The following GMDS variants were observed in gnomAD, a reference collection of about 807,000 sequenced individuals.
GMDS encodes the protein GDP-mannose 4,6 dehydratase.
GMDS carries 20 observed loss-of-function variants against 49.9 expected under a neutral mutation model. That is an observed-to-expected ratio of 0.40 (90% CI 0.28 to 0.58). The LOEUF (loss-of-function observed/expected upper bound fraction) is 0.58. GMDS is among the 20% of genes least tolerant of loss of function. The pLI is 0.42. For missense variants in GMDS, 362 were observed against 481.4 expected (o/e 0.75, Z 2.32); for synonymous variants, 177 against 178.6 (o/e 0.99, Z 0.07).
chr6:1,699,458 T>C (rs993452183), intron 9 of GMDS, among the ~76,000 whole-genome samples: 3 of 150,744 alleles, frequency 2.0e-5, no homozygotes, highest in Admixed American at 1.3e-4. Context: ...GGTGTAGGGG[T>C]TTAAAACAAT....
intron 9 of GMDS, among the ~76,000 whole-genome samples, chr6:1,701,185 A>C (rs1222351820): frequency 6.6e-6 from 1 of 152,120 alleles, no homozygotes; most frequent in African/African-American, 2.4e-5. Flanking sequence ...GGAGTACATC[A>C]ATCTGTCCGA....
At chr6:1,786,020 C>T (rs1432142813) in intron 7 of GMDS, among the ~76,000 whole-genome samples, 1 of 152,106 alleles carries the variant, frequency 6.6e-6, no homozygotes, top group African/African-American at 2.4e-5. Context: ...TTAAATATGA[C>T]AGCGGTAAAG....
chr6:1,852,710 G>A lies in GMDS; in HGVS notation c.771+77393C>T, dbSNP rs74909517. 5.9e-3 allele frequency among the ~76,000 whole-genome samples: 876 copies of A among 148,018 alleles called. 10 individuals are homozygous for A. Among genetic ancestry groups the A allele is most frequent in the African/African-American group, 0.022 (823 of 38,068 alleles). On this transcript the variant is annotated intron_variant, in intron 7 of 10. Coordinates refer to ENST00000380815, the MANE Select transcript of GMDS (RefSeq NM_001500.4). ...GGAAGGACGGTGGGACGTGGGATCC[G>A]ATTTTTTTTTTTCCCGAGATGGAGT...
At chr6:2,179,378 C>A (rs145853489) in intron 1 of GMDS, among the ~76,000 whole-genome samples, 1 of 152,146 alleles carries the variant, frequency 6.6e-6, no homozygotes. Flanking sequence ...TGCCCCAAAT[C>A]ATGTGTTAAA....
intron 1 of GMDS, among the ~76,000 whole-genome samples, chr6:2,203,256 T>C (rs1049868921): frequency 3.3e-5 from 5 of 152,186 alleles, no homozygotes; most frequent in Admixed American, 3.3e-4. Flanking sequence ...TTTGAGGACA[T>C]TTATTCAATT....
chr6:1,726,568 T>G, intron 8 of GMDS, 56 bp from the exon 9 acceptor site: 16 of 1,273,084 alleles, frequency 1.3e-5, no homozygotes, highest in Non-Finnish European at 1.7e-5. Flanking sequence ...CATTTGGCCA[T>G]GCTGTAGCAC....
chr6:2,010,156 G>C (rs534484400), intron 4 of GMDS, among the ~76,000 whole-genome samples: 2 of 151,746 alleles, frequency 1.3e-5, no homozygotes, highest in Non-Finnish European at 2.9e-5. Flanking sequence ...GTGAAACCCC[G>C]TCTCCACTAA....
At chr6:2,066,048 G>A (rs1422393248) in intron 4 of GMDS, among the ~76,000 whole-genome samples, 1 of 152,240 alleles carries the variant, frequency 6.6e-6, no homozygotes. Context: ...TCAAAGGGAA[G>A]CCCATCAGAC....
intron 4 of GMDS, among the ~76,000 whole-genome samples, chr6:2,006,266 T>TAA (rs11353369): frequency 1.3e-4 from 19 of 147,512 alleles, no homozygotes; most frequent in East Asian, 4.0e-4. Flanking sequence ...TGCAAACAAT[T>TAA]AAAAAAAAAA....
intron 7 of GMDS, among the ~76,000 whole-genome samples, chr6:1,861,017 C>T (rs552659864): frequency 1.3e-5 from 2 of 152,218 alleles, no homozygotes; most frequent in African/African-American, 4.8e-5. Context: ...TGAAATATCA[C>T]GCTTCTCCAT....
intron 9 of GMDS, among the ~76,000 whole-genome samples, chr6:1,683,331 G>A (rs184960956): frequency 0.034 from 5,216 of 152,254 alleles, 386 homozygotes; most frequent in East Asian, 0.19. Context: ...CACCGTGTTA[G>A]CCAGGATGGT....
intron 4 of GMDS, among the ~76,000 whole-genome samples, chr6:2,000,944 G>C (rs938455021): frequency 1.3e-5 from 2 of 152,188 alleles, no homozygotes; most frequent in African/African-American, 2.4e-5. Context: ...GCTATGAGTA[G>C]CACTGCTATA....
intron 9 of GMDS, among the ~76,000 whole-genome samples, chr6:1,711,509 C>A (rs868229854): frequency 6.6e-6 from 1 of 152,212 alleles, no homozygotes; most frequent in Non-Finnish European, 1.5e-5. Context: ...CCATCCACAA[C>A]AGCTCTGATG....
At chr6:2,128,059 C>A (rs1775549350) in intron 1 of GMDS, among the ~76,000 whole-genome samples, 1 of 152,126 alleles carries the variant, frequency 6.6e-6, no homozygotes, top group Non-Finnish European at 1.5e-5. Context: ...CCCAATATGA[C>A]CCTTTTAAGT....
intron 7 of GMDS, among the ~76,000 whole-genome samples, chr6:1,755,011 T>C (rs1388431924): frequency 2.6e-5 from 4 of 152,190 alleles, no homozygotes; most frequent in Non-Finnish European, 4.4e-5. Flanking sequence ...CTTTTCAACA[T>C]AGTGTTGGAA....
At chr6:1,877,644 T>TAA (rs60037634) in intron 7 of GMDS, among the ~76,000 whole-genome samples, 1,068 of 90,522 alleles carry the variant, frequency 0.012, 12 homozygotes, top group African/African-American at 0.042. Context: ...TCTCAAAAAT[T>TAA]AAAAAAAAAA....
chr6:1,860,480 C>T (rs916887146), intron 7 of GMDS, among the ~76,000 whole-genome samples: 1 of 152,064 alleles, frequency 6.6e-6, no homozygotes. Flanking sequence ...AGGAGGAAGC[C>T]GACTCTGAAG....
chr6:1,841,660 C>A (rs373627866), intron 7 of GMDS, among the ~76,000 whole-genome samples: 3 of 152,110 alleles, frequency 2.0e-5, no homozygotes, highest in Non-Finnish European at 2.9e-5. Context: ...CCTATTTTTG[C>A]TGTAGTGTCA....
chr6:2,093,094 T>C (rs1000120150), intron 4 of GMDS, among the ~76,000 whole-genome samples: 8 of 152,198 alleles, frequency 5.3e-5, no homozygotes, highest in East Asian at 1.9e-4. Flanking sequence ...AGGAAACCTA[T>C]AGTCTCACCA....
Sources: allele counts gnomAD v4.1 joint callset (sites outside exome capture counted in the v4.1 genomes callset), GRCh38; gene constraint gnomAD v4.1.1; transcripts MANE v1.5; gene names NCBI Gene and HGNC (gene_info 2026-07-23, HGNC 2026-07-21).